The following CRACR2A variants were observed in gnomAD, a reference collection of about 807,000 sequenced individuals.
The protein encoded by CRACR2A is EF-hand calcium-binding domain-containing protein 4B.
A neutral mutation model predicts 90.5 loss-of-function variants in CRACR2A; 79 were observed. That is an observed-to-expected ratio of 0.87 (90% CI 0.73 to 1.05). The LOEUF (loss-of-function observed/expected upper bound fraction) is 1.05, where lower values mean the gene tolerates loss of function less well. Among genes scored for constraint, CRACR2A ranks in the 50% least tolerant of loss-of-function variants. The pLI is 0.00. For synonymous variants in CRACR2A, 338 were observed against 356.7 expected (o/e 0.95, Z 0.59); for missense variants, 823 against 897.2 (o/e 0.92, Z 1.06).
At chr12:3,728,364 A>T (rs142472161) in intron 2 of CRACR2A, 6 of 152,406 alleles carry the variant, frequency 3.9e-5, no homozygotes, top group African/African-American at 1.4e-4. Context: ...TCAGAGAAAG[A>T]ATAAATAAAA....
chr12:3,632,490 T>C (rs933388059), intron 15 of CRACR2A, among the ~76,000 whole-genome samples: 1 of 152,188 alleles, frequency 6.6e-6, no homozygotes, highest in African/African-American at 2.4e-5. Flanking sequence ...GATGTCTCAC[T>C]GAACCTCCAC....
intron 2 of CRACR2A, among the ~76,000 whole-genome samples, chr12:3,725,312 T>G (rs1267577506): frequency 6.6e-6 from 1 of 152,226 alleles, no homozygotes; most frequent in African/African-American, 2.4e-5. Flanking sequence ...TGCGGCGCTG[T>G]GTCCCCTCTA....
At chr12:3,705,096 A>G (rs1277007855) in intron 3 of CRACR2A, among the ~76,000 whole-genome samples, 1 of 152,240 alleles carries the variant, frequency 6.6e-6, no homozygotes, top group African/African-American at 2.4e-5. Context: ...CCATTAGACC[A>G]ACAGACAGTA....
At chr12:3,621,648 CAAAAAAAAAAAAAAAAA>C (rs557648607) in intron 17 of CRACR2A, among the ~76,000 whole-genome samples, 5 of 14,582 alleles carry the variant, frequency 3.4e-4, no homozygotes, top group African/African-American at 1.3e-3. Context: ...GAGACTCTGT[CAAAAAAAAAAAAAAAAA>C]AAAAAAAAAA....
chr12:3,683,182 G>A (rs547891626), intron 4 of CRACR2A, among the ~76,000 whole-genome samples: 2 of 152,314 alleles, frequency 1.3e-5, no homozygotes, highest in African/African-American at 4.8e-5. Context: ...TTAGCCTAAA[G>A]TCACAGTGCA....
At chr12:3,725,445 G>A (rs1334565126) in intron 2 of CRACR2A, among the ~76,000 whole-genome samples, 1 of 151,990 alleles carries the variant, frequency 6.6e-6, no homozygotes, top group African/African-American at 2.4e-5. Context: ...TTCTCTCTAT[G>A]TCCCTCCTCT....
At chr12:3,661,432 C>T (rs966831842) in intron 7 of CRACR2A, among the ~76,000 whole-genome samples, 1 of 152,210 alleles carries the variant, frequency 6.6e-6, no homozygotes, top group Non-Finnish European at 1.5e-5. Context: ...GATGACAGTC[C>T]TCCCAGACCT....
At chr12:3,649,364 G>A (rs1944755001) in intron 10 of CRACR2A, among the ~76,000 whole-genome samples, 1 of 152,144 alleles carries the variant, frequency 6.6e-6, no homozygotes, top group African/African-American at 2.4e-5. Context: ...AAGGGTGAGA[G>A]CAGAATTTGT....
intron 5 of CRACR2A, among the ~76,000 whole-genome samples, chr12:3,679,611 TC>T (rs1282950597): frequency 1.3e-5 from 2 of 152,150 alleles, no homozygotes; most frequent in Non-Finnish European, 2.9e-5. Context: ...AATTAGAAGC[TC>T]CTGAAGGTCA....
In CRACR2A at chr12:3,627,471, A is replaced by G. The variant is rs563103960; in HGVS notation, c.1897T>C (p.Phe633Leu). Residue 633 changes from phenylalanine to leucine, a missense_variant, in exon 17 of 20, where the codon TTC becomes CTC. Coordinates refer to ENST00000440314, the MANE Select transcript of CRACR2A (RefSeq NM_001144958.2). ...CTCAGCCACCGCCGGACCGACAGGA[A>G]CGACTGCTTGTCTGTGAGATCGTAC... is the stretch of plus-strand genomic sequence containing the variant. ...VMYDLTDKQS[F>L]LSVRRWLSSV... The G allele has an allele frequency of 6.4e-7, 1 of 1,552,024 alleles. No individual in the cohort carries two copies. The highest frequency in any genetic ancestry group is 8.7e-7 in the Non-Finnish European group (1 of 1,147,084).
chr12:3,743,508 G>A (rs947006257), intron 1 of CRACR2A, among the ~76,000 whole-genome samples: 1 of 152,186 alleles, frequency 6.6e-6, no homozygotes, highest in East Asian at 1.9e-4. Flanking sequence ...TTTGTAGGAA[G>A]CCAGTCAGGC....
Position 3,680,279 on chromosome 12 carries a change from C to T in CRACR2A, c.299G>A (p.Gly100Asp), listed in dbSNP as rs367983644. Residue 100 changes from glycine to aspartate, a missense_variant, in exon 5 of 20, where the codon GGC becomes GAC. Gly to Asp is a moderately conservative substitution (Grantham distance 94). Transcript: ENST00000440314. The part of the protein sequence containing the change: ...EDVFDALDAD[G>D]NGYLTPQEFT... ...CTCCTGTGGGGTCAGATAGCCATTG[C>T]CATCAGCATCCAGGGCATCAAACAC... is the stretch of plus-strand genomic sequence containing the variant. 2.5e-6 allele frequency: 4 copies of T among 1,614,206 alleles called. No individual in the cohort carries two copies. Among genetic ancestry groups the T allele is most frequent in the South Asian group, 1.1e-5 (1 of 91,086 alleles).
chr12:3,710,413 A>G (rs772007949), intron 3 of CRACR2A, among the ~76,000 whole-genome samples: 5 of 152,154 alleles, frequency 3.3e-5, no homozygotes, highest in Non-Finnish European at 7.3e-5. Context: ...GAAGTCTGAG[A>G]TCAGGTGCCA....
In CRACR2A at chr12:3,746,868, C is replaced by T. The variant is rs189760269; in HGVS notation, c.-387+6147G>A. Among the ~76,000 whole-genome samples, 6 of 152,334 alleles carry T rather than the reference C, an allele frequency of 3.9e-5. No homozygotes were observed. Among genetic ancestry groups the T allele is most frequent in the Admixed American group, 3.3e-4 (5 of 15,304 alleles). ...AAGGACCAACAAGGGGAGGAGTACA[C>T]CCTTAGCATGGAACTCAACCACAAG... On this transcript the variant is annotated intron_variant, in intron 1 of 19. Coordinates refer to ENST00000440314, the MANE Select transcript of CRACR2A (RefSeq NM_001144958.2). The surrounding 1 kb of genome is among the most constrained non-coding windows in gnomAD (Gnocchi z 4.4).
At chr12:3,658,075 A>G (rs930504051) in intron 8 of CRACR2A, among the ~76,000 whole-genome samples, 4 of 152,232 alleles carry the variant, frequency 2.6e-5, no homozygotes, top group Non-Finnish European at 5.9e-5. Flanking sequence ...CCCAGAAGGC[A>G]TAAATCTAAG....
At chr12:3,635,649 G>C (rs10774160) in intron 14 of CRACR2A, among the ~76,000 whole-genome samples, 87,327 of 151,964 alleles carry the variant, frequency 0.57, 25,244 homozygotes, top group Admixed American at 0.64. Flanking sequence ...ATGACTACAG[G>C]TATGCATCAA....
At chr12:3,725,728 T>C (rs1946252601) in intron 2 of CRACR2A, among the ~76,000 whole-genome samples, 3 of 152,234 alleles carry the variant, frequency 2.0e-5, no homozygotes, top group African/African-American at 7.2e-5. Context: ...TCCAGAAATT[T>C]GTTTTCACAT....
intron 2 of CRACR2A, among the ~76,000 whole-genome samples, chr12:3,724,602 G>C (rs1285551111): frequency 6.6e-6 from 1 of 152,206 alleles, no homozygotes; most frequent in Non-Finnish European, 1.5e-5. Flanking sequence ...ATGTGACTTA[G>C]TTTAGATATC....
At chr12:3,729,739 G>A (rs926060442) in intron 2 of CRACR2A, 1 of 152,176 alleles carries the variant, frequency 6.6e-6, no homozygotes, top group African/African-American at 2.4e-5. Context: ...CAGCATGATA[G>A]ATTGGCTAAA....
Sources: allele counts gnomAD v4.1 joint callset (sites outside exome capture counted in the v4.1 genomes callset), GRCh38; gene constraint gnomAD v4.1.1; non-coding constraint Gnocchi (gnomAD v3.1); transcripts MANE v1.5; gene names NCBI Gene and HGNC (gene_info 2026-07-23, HGNC 2026-07-21).